The following KDM3A variants were observed in gnomAD, a reference collection of about 807,000 sequenced individuals.
KDM3A encodes the protein lysine demethylase 3A.
KDM3A carries 60 observed loss-of-function variants against 158.0 expected under a neutral mutation model. The ratio of observed to expected loss-of-function variants is 0.38; its 90% CI spans 0.31 to 0.47. The LOEUF (loss-of-function observed/expected upper bound fraction) is 0.47, where lower values mean the gene tolerates loss of function less well. Ranked by LOEUF, KDM3A falls within the 20% of genes least tolerant of loss-of-function variation. The pLI is 0.99. For missense variants in KDM3A, 1,319 were observed against 1,574.3 expected (o/e 0.84, Z 2.74); for synonymous variants, 608 against 549.3 (o/e 1.11, Z -1.49).
chr2:86,452,022 T>G (rs1672492727), intron 4 of KDM3A, among the ~76,000 whole-genome samples: 1 of 152,178 alleles, frequency 6.6e-6, no homozygotes, highest in South Asian at 2.1e-4. Context: ...AAATCAATAC[T>G]TGTGGTGGTT....
At chr2:86,443,125 G>C (rs970778384) in intron 2 of KDM3A, 1 of 152,202 alleles carries the variant, frequency 6.6e-6, no homozygotes, top group African/African-American at 2.4e-5. Flanking sequence ...CTGAAAAAAG[G>C]TTCCTAACAA....
Position 86,472,160 on chromosome 2 carries a change from G to C in KDM3A, c.1724+1752G>C, listed in dbSNP as rs1673448558. Among the ~76,000 whole-genome samples, 4 of 64,516 alleles carry C rather than the reference G, an allele frequency of 6.2e-5. No homozygotes were observed. The South Asian group carries it at 1.3e-3, about 21-fold the overall frequency. The allele number at this position is 64,516 out of a possible 152,430, so 42.3% of individuals were successfully genotyped here. ...TCTTTTGTTCTTTGTAATATGATTA[G>C]AGCTTTTTTTTTTAACCCACTACAT... On this transcript the variant is annotated intron_variant, in intron 11 of 25. Transcript: ENST00000312912.
At chr2:86,440,773 G>A (rs1050848090), upstream of KDM3A, 1 of 152,258 alleles carries the variant, frequency 6.6e-6, no homozygotes, top group African/African-American at 2.4e-5. Flanking sequence ...TAAGCTCGGC[G>A]AGGCGCCTGC....
At chr2:86,467,295 T>A (rs1518811) in intron 10 of KDM3A, 118,113 of 154,882 alleles carry the variant, frequency 0.76, 45,390 homozygotes, top group East Asian at 0.95. Context: ...TAATCTGGTG[T>A]TTACTTTATT....
chr2:86,489,908 A>G (rs1459286094), intron 23 of KDM3A: 1 of 362,934 alleles, frequency 2.8e-6, no homozygotes, highest in Non-Finnish European at 5.0e-6. Context: ...GCATTTAGAG[A>G]TTTTTGTTCT....
At position 86,464,055 on chromosome 2, in the gene KDM3A, C is replaced by A. The variant is rs952218558; in HGVS notation, c.846C>A (p.Ala282=). The change falls in exon 9 of 26, where the codon GCC becomes GCA. Residue 282 remains alanine, a splice_region_variant and synonymous_variant. Transcript: ENST00000312912. ...TCTGTTGGTTTGGTATCTTCTAGGC[C>A]TCTCCCAGTATGTGTCCTGTGCAGT... is the stretch of plus-strand genomic sequence containing the variant. ...VSKQAKSCSE[A]SPSMCPVQSV... The A allele has an allele frequency of 1.9e-6, 3 of 1,565,600 alleles. No homozygotes were observed. Among genetic ancestry groups the A allele is most frequent in the Non-Finnish European group, 2.6e-6 (3 of 1,153,810 alleles).
Position 86,456,416 on chromosome 2 carries a change from ATTTTTTTT to A in KDM3A, c.557-11_557-4del. 2 of 1,057,628 alleles carry A rather than the reference ATTTTTTTT, an allele frequency of 1.9e-6. No homozygotes were observed. The highest frequency in any genetic ancestry group is 4.2e-5 in the South Asian group (2 of 47,332). 65.5% of individuals were successfully genotyped at this position (1,057,628 alleles called of 1,614,324 possible). A position where few individuals can be genotyped will look rare whatever the true frequency, so the allele number is the denominator to read the frequency against. ...GGGAGATAATGCAAATTGCTCTAAG[ATTTTTTTT>A]TTTTTTTTTTTTTTAAGGTGACAAA... is the stretch of plus-strand genomic sequence containing the variant. On this transcript the variant is annotated intron_variant, in intron 5 of 25. Coordinates refer to ENST00000312912, the MANE Select transcript of KDM3A (RefSeq NM_018433.6).
upstream of KDM3A, among the ~76,000 whole-genome samples, chr2:86,438,106 T>C (rs1682520185): frequency 6.6e-6 from 1 of 152,120 alleles, no homozygotes; most frequent in African/African-American, 2.4e-5. Flanking sequence ...TGTTTAAGTA[T>C]ATTTCTGGTA....
chr2:86,441,043 T>C (rs75738225), upstream of KDM3A: 866 of 152,428 alleles, frequency 5.7e-3, 11 homozygotes, highest in African/African-American at 0.019. Context: ...CCAAAGTTGA[T>C]AACCGATTTC....
chr2:86,457,772 T>C (rs531234084), intron 8 of KDM3A, among the ~76,000 whole-genome samples: 139 of 152,300 alleles, frequency 9.1e-4, no homozygotes, highest in African/African-American at 3.2e-3. Flanking sequence ...TCATTTATGA[T>C]TGGGTAAACA....
chr2:86,441,620 T>TCGCCCACCCTCCCCCGTGGGGC (rs1682709489), intron 1 of KDM3A, 176 bp downstream of exon 1: 1 of 149,276 alleles, frequency 6.7e-6, no homozygotes, highest in South Asian at 2.1e-4. Context: ...AATCGCGGGC[T>TCGCCCACCCTCCCCCGTGGGGC]CGCCCACCCT....
At position 86,451,110 on chromosome 2, in the gene KDM3A, A is replaced by G. The variant is rs147119313; in HGVS notation, c.350A>G (p.Lys117Arg). The G allele has an allele frequency of 7.5e-6, 12 of 1,602,454 alleles. No homozygotes were observed. In the African/African-American group the frequency reaches 1.5e-4, roughly 20 times the overall value. ...TGTTTTCTTTTGTTTTAGACGTACA[A>G]ACCTCTGTTGGACAAAGCTGGTTTG... is the stretch of plus-strand genomic sequence containing the variant. ...RIVQWPAITY[K>R]PLLDKAGLGS... Residue 117 changes from lysine (K) to arginine (R), a missense_variant, in exon 4 of 26, where the codon AAA becomes AGA. Physicochemically the swap from Lys to Arg is conservative, Grantham distance 26. Coordinates refer to ENST00000312912, the MANE Select transcript of KDM3A (RefSeq NM_018433.6).
Position 86,485,026 on chromosome 2 carries a change from C to T in KDM3A, c.3179C>T (p.Ser1060Phe). 1 of 1,541,934 alleles carries T rather than the reference C, an allele frequency of 6.5e-7. No individual in the cohort carries two copies. ...GAAGATTTTAGAGATATGATGCCTT[C>T]CAGGTATGATTATGAAGGTGGGGAG... ...PGEDFRDMMP[S>F]RFDDLMANIP... Residue 1060 changes from serine to phenylalanine, a missense_variant, in exon 20 of 26, where the codon TCC (serine) becomes TTC (phenylalanine). By Grantham distance (155) the Ser-to-Phe change is radical. Around this residue, in one of 4 missense-constraint regions of KDM3A, gnomAD observed 186 missense variants for 340.9 expected, o/e 0.55. Transcript: ENST00000312912.
intron 2 of KDM3A, among the ~76,000 whole-genome samples, chr2:86,444,835 A>G (rs1466128684): frequency 2.0e-5 from 3 of 152,228 alleles, no homozygotes; most frequent in African/African-American, 7.2e-5. Context: ...GAGAGACTTT[A>G]TAACAAAACC....
chr2:86,468,616 G>A (rs1159577949), intron 10 of KDM3A, among the ~76,000 whole-genome samples: 1 of 151,870 alleles, frequency 6.6e-6, no homozygotes, highest in Non-Finnish European at 1.5e-5. Context: ...TGGTTGAGGT[G>A]TGAGAGTGTG....
At chr2:86,449,057 G>C (rs1310339017) in intron 2 of KDM3A, among the ~76,000 whole-genome samples, 1 of 152,134 alleles carries the variant, frequency 6.6e-6, no homozygotes, top group African/African-American at 2.4e-5. Flanking sequence ...ATGTATACAG[G>C]TTTTAAGAGT....
chr2:86,478,795 A>G (rs2104692968), intron 15 of KDM3A, 60 bp downstream of exon 15: 3 of 1,547,908 alleles, frequency 1.9e-6, no homozygotes, highest in Non-Finnish European at 1.8e-6. Context: ...CTGTTTTTCA[A>G]ATAACCCAAG....
intron 18 of KDM3A, 48 bp downstream of exon 18, chr2:86,482,742 A>C (rs1673998845): frequency 6.3e-7 from 1 of 1,584,988 alleles, no homozygotes; most frequent in Non-Finnish European, 8.6e-7. Context: ...CCCCCTTCTC[A>C]GTTCCTTTAG....
chr2:86,482,390 A>G (rs1673976573), intron 17 of KDM3A, 68 bp from the exon 18 acceptor site: 1 of 1,575,722 alleles, frequency 6.3e-7, no homozygotes, highest in South Asian at 1.2e-5. Context: ...TATACTCATT[A>G]TGGGAATGGA....
Sources: gnomAD v4.1 joint callset for allele counts (sites outside exome capture counted in the v4.1 genomes callset) on GRCh38, gnomAD v4.1.1 for gene constraint, gnomAD v4.1.1 regional missense constraint, MANE v1.5 for transcripts, NCBI Gene and HGNC (gene_info 2026-07-23, HGNC 2026-07-21) for gene names.